The following TAPBPL variants were observed in gnomAD, a reference collection of about 807,000 sequenced individuals.
TAPBPL encodes the protein TAP binding protein like.
Under a neutral mutation model 44.8 loss-of-function variants are expected in TAPBPL, and 32 were observed. The observed-to-expected ratio is 0.71, with a 90% confidence interval of 0.54 to 0.96. The LOEUF (loss-of-function observed/expected upper bound fraction) is 0.96. Ranked by LOEUF, TAPBPL falls within the 40% of genes least tolerant of loss-of-function variation. TAPBPL has a pLI of 0.00. For synonymous variants in TAPBPL, 230 were observed against 240.7 expected, an observed-to-expected ratio of 0.96 and a Z score of 0.41; for missense variants, 520 against 586.6, an observed-to-expected ratio of 0.89 and a Z score of 1.17.
Position 6,460,852 on chromosome 12 carries a change from C to T in TAPBPL, c.1208-3C>T, listed in dbSNP as rs1949838584. On this transcript the variant is annotated splice_region_variant and splice_polypyrimidine_tract_variant and intron_variant, in intron 5 of 6. Transcript: ENST00000266556. The stretch of plus-strand genomic sequence containing the variant: ...TCCCCGCCCACGTTGCTCTCACCTA[C>T]AGAGCGGAGAACAGCCTTGGGAGTC... 1 of 1,614,102 alleles carries T rather than the reference C, an allele frequency of 6.2e-7. No individual in the cohort carries two copies. The highest frequency in any genetic ancestry group is 8.5e-7 in the Non-Finnish European group (1 of 1,179,974).
rs557906710 is a variant in TAPBPL at position 6,455,177 on chromosome 12, A to ATGTG, written c.565+1465_565+1468dup. Among the ~76,000 whole-genome samples, 11 of 152,212 alleles carry ATGTG rather than the reference A, an allele frequency of 7.2e-5. 1 individual carries two copies. In the South Asian group the frequency reaches 2.3e-3, roughly 32 times the overall value. On this transcript the variant is annotated intron_variant, in intron 3 of 6. Coordinates refer to ENST00000266556, the MANE Select transcript of TAPBPL (RefSeq NM_018009.5). ...CACATTCTCTCTCCCCCGACTCCTC[A>ATGTG]TGTGTGTATATGTGTACGTGTGTAT... is the stretch of plus-strand genomic sequence containing the variant.
downstream of TAPBPL, chr12:6,465,042 T>C: frequency 9.6e-6 from 15 of 1,554,482 alleles, no homozygotes; most frequent in Admixed American, 1.9e-5. Context: ...CTTGGGACAA[T>C]GGAAAAAACC....
At chr12:6,461,523 C>T (rs1949860135) in intron 6 of TAPBPL, 2 of 908,816 alleles carry the variant, frequency 2.2e-6, no homozygotes, top group South Asian at 9.5e-5. Context: ...GCCCTTGTGT[C>T]TGCTGCGACC....
chr12:6,470,531 T>A, downstream of TAPBPL: 1 of 1,614,018 alleles, frequency 6.2e-7, no homozygotes, highest in Non-Finnish European at 8.5e-7. Context: ...TCAACTCACA[T>A]TTTTCTGACA....
Position 6,453,863 on chromosome 12 carries a change from A to G in TAPBPL, c.565+147A>G. ...TGAAACCCCGTCTCTACTAATACCAAAATTAGCCGGGCATGGTGGCGGGTG... is the reference window on the plus strand; with the variant it reads ...TGAAACCCCGTCTCTACTAATACCAGAATTAGCCGGGCATGGTGGCGGGTG... On this transcript the variant is annotated intron_variant, in intron 3 of 6. Transcript: ENST00000266556. The surrounding 1 kb of genome is among the most constrained non-coding windows in gnomAD (Gnocchi z 4.8). The G allele has an allele frequency of 5.4e-6, 6 of 1,108,684 alleles. No homozygotes were observed. In the South Asian group the frequency reaches 1.0e-4, roughly 19 times the overall value. 68.7% of individuals were successfully genotyped at this position (1,108,684 alleles called of 1,614,324 possible). A position where few individuals can be genotyped will look rare whatever the true frequency, so the allele number is the denominator to read the frequency against.
chr12:6,464,881 G>T (rs771796946), downstream of TAPBPL: 4 of 1,614,000 alleles, frequency 2.5e-6, no homozygotes, highest in South Asian at 4.4e-5. Context: ...CAACTTCAGC[G>T]ATACTTACTT....
downstream of TAPBPL, among the ~76,000 whole-genome samples, chr12:6,470,318 T>C (rs1402916568): frequency 6.7e-6 from 1 of 150,032 alleles, no homozygotes; most frequent in Admixed American, 6.6e-5. Flanking sequence ...CCTGCGCCCC[T>C]GCCCCGCCCG....
At chr12:6,460,982 C>T in intron 6 of TAPBPL, 44 bp downstream of exon 6, 4 of 1,612,540 alleles carry the variant, frequency 2.5e-6, no homozygotes, top group Middle Eastern at 1.7e-4. Flanking sequence ...GCCCACCTCA[C>T]CCACTCTAAC....
At chr12:6,463,021 T>C, downstream of TAPBPL, 2 of 1,548,204 alleles carry the variant, frequency 1.3e-6, no homozygotes. The surrounding 1 kb of genome is among the most constrained non-coding windows in gnomAD (Gnocchi z 4.0). Context: ...CATTCTCCGC[T>C]CTGTTCCCAG....
chr12:6,453,148 G>A lies in TAPBPL; in HGVS notation c.146G>A (p.Gly49Glu), dbSNP rs1326447435. ...CFLAKDGAHR[G>E]ALASSEDRAR... ...CTGGCGAAGGACGGTGCGCACCGTG[G>A]AGCTCTCGCCAGCAGTGAGGACAGG... The change falls in exon 2 of 7, where the codon GGA becomes GAA. Residue 49 changes from glycine to glutamate, a missense_variant. Coordinates refer to ENST00000266556, the MANE Select transcript of TAPBPL (RefSeq NM_018009.5). The surrounding 1 kb of genome is among the most constrained non-coding windows in gnomAD (Gnocchi z 4.8). 2 of 1,601,786 alleles carry A rather than the reference G, an allele frequency of 1.2e-6. No homozygotes were observed. The highest frequency in any genetic ancestry group is 1.7e-6 in the Non-Finnish European group (2 of 1,174,842).
the TAPBPL span, among the ~76,000 whole-genome samples, chr12:6,471,520 T>A: frequency 6.6e-6 from 1 of 152,168 alleles, no homozygotes; most frequent in Non-Finnish European, 1.5e-5. This position sits in a 1 kb window ranked among gnomAD's most constrained non-coding sequence, Gnocchi z 4.0. Flanking sequence ...CATTATTTTA[T>A]GTCCCGCTAA....
At position 6,458,870 on chromosome 12, in the gene TAPBPL, G is replaced by A. The variant is rs1489618062; in HGVS notation, c.1130G>A (p.Gly377Asp). ...CTCACCGCAGAACCTGGCTCTGCAGGTGCCACTTACACCTGCCAGGTCACA... is the reference window on the plus strand; with the variant it reads ...CTCACCGCAGAACCTGGCTCTGCAGATGCCACTTACACCTGCCAGGTCACA... ...SSLTAEPGSA[G>D]ATYTCQVTHI... Residue 377 changes from glycine (G) to aspartate (D), a missense_variant, in exon 5 of 7, where the codon GGT becomes GAT. Gly to Asp is a moderately conservative substitution (Grantham distance 94). Coordinates refer to ENST00000266556, the MANE Select transcript of TAPBPL (RefSeq NM_018009.5). 24 of 1,614,158 alleles carry A rather than the reference G, an allele frequency of 1.5e-5. No homozygotes were observed. The highest frequency in any genetic ancestry group is 2.0e-5 in the Non-Finnish European group (24 of 1,180,044).
rs752966254 is a variant in TAPBPL at position 6,462,098 on chromosome 12, G to C, written c.1356G>C (p.Gln452His). The change falls in exon 7 of 7, where the codon CAG becomes CAC. Residue 452 changes from glutamine (Q) to histidine (H), a missense_variant. Physicochemically the swap from Gln to His is conservative, Grantham distance 24 (BLOSUM62 0). Transcript: ENST00000266556. ...RWETTSCADT[Q>H]SSHLHEDRTA... is the part of the protein sequence containing the mutation. ...AGACCACTTCCTGTGCTGACACACA[G>C]AGCTCCCATCTCCATGAAGACCGCA... 1.1e-5 allele frequency: 17 copies of C among 1,613,644 alleles called. No individual in the cohort carries two copies. The South Asian group carries it at 1.3e-4, about 13-fold the overall frequency.
rs1407082389 is a variant in TAPBPL, at chr12:6,452,265, G to A, written c.17G>A (p.Gly6Asp). 3 of 1,573,504 alleles carry A rather than the reference G, an allele frequency of 1.9e-6. No homozygotes were observed. The highest frequency in any genetic ancestry group is 1.3e-5 in the African/African-American group (1 of 74,776). Residue 6 changes from glycine to aspartate, a missense_variant, in exon 1 of 7, where the codon GGC becomes GAC. Gly to Asp is a moderately conservative substitution (Grantham distance 94). Coordinates refer to ENST00000266556, the MANE Select transcript of TAPBPL (RefSeq NM_018009.5). MGTQEGWCLLLCLALS... is the reference protein window; with the variant it reads MGTQEDWCLLLCLALS... Reference sequence around the variant, plus strand: ...GCAGCCTCCATGGGCACACAGGAGGGCTGGTGCCTGCTGCTCTGCCTGGCT... The same window carrying A: ...GCAGCCTCCATGGGCACACAGGAGGACTGGTGCCTGCTGCTCTGCCTGGCT...
downstream of TAPBPL, chr12:6,464,032 G>A: frequency 7.7e-7 from 1 of 1,295,016 alleles, no homozygotes. Context: ...TACTGAGTGA[G>A]CTGCCATCTT....
downstream of TAPBPL, among the ~76,000 whole-genome samples, chr12:6,469,912 C>T (rs1430323807): frequency 1.3e-5 from 2 of 152,144 alleles, no homozygotes; most frequent in Non-Finnish European, 2.9e-5. Flanking sequence ...TACGAATGGC[C>T]TTGGTATGAA....
downstream of TAPBPL, chr12:6,462,888 G>C (rs907161284): frequency 2.5e-6 from 4 of 1,592,464 alleles, no homozygotes; most frequent in Middle Eastern, 1.7e-4. Context: ...CGAAAGGAAA[G>C]GAAGGATGGT....
downstream of TAPBPL, chr12:6,465,427 T>TAA (rs1328276842): frequency 8.0e-6 from 1 of 124,668 alleles, no homozygotes; most frequent in African/African-American, 3.5e-5. Context: ...TATATATATA[T>TAA]AAATGTATAT....
downstream of TAPBPL, chr12:6,466,569 T>G: frequency 2.3e-6 from 1 of 438,986 alleles, no homozygotes; most frequent in Non-Finnish European, 4.1e-6. Flanking sequence ...CCCAAACCAC[T>G]TAAACAATTA....
Sources: allele counts gnomAD v4.1 joint callset (sites outside exome capture counted in the v4.1 genomes callset), GRCh38; gene constraint gnomAD v4.1.1; non-coding constraint Gnocchi (gnomAD v3.1); transcripts MANE v1.5; gene names NCBI Gene and HGNC (gene_info 2026-07-23, HGNC 2026-07-21).